Variants in UNK observed in about 807,000 individuals in gnomAD.
The protein encoded by UNK is unk zinc finger.
UNK carries 32 observed loss-of-function variants against 97.6 expected under a neutral mutation model. That is an observed-to-expected ratio of 0.33 (90% confidence interval 0.25 to 0.44). UNK has a LOEUF of 0.44. Ranked by LOEUF, UNK falls within the 20% of genes least tolerant of loss-of-function variation. UNK has a pLI of 1.00. For missense variants in UNK, 771 were observed against 1,098.4 expected (o/e 0.70, Z 4.21); for synonymous variants, 441 against 461.2 (o/e 0.96, Z 0.56).
At position 75,809,730 on chromosome 17, in the gene UNK, G is replaced by C. The variant is rs755043307; in HGVS notation, c.105-30G>C. 3.8e-6 allele frequency: 6 copies of C among 1,572,442 alleles called. No individual in the cohort carries two copies. The Admixed American group carries it at 9.3e-5, about 24-fold the overall frequency. ...GCAAGAGACTTCATTCTCTGCTCCC[G>C]GCCTGCCCCACGCGGGGCTCTCTCT... is the stretch of plus-strand genomic sequence containing the variant. On this transcript the variant is annotated intron_variant, in intron 1 of 15. Transcript: ENST00000589666.
intron 1 of UNK, among the ~76,000 whole-genome samples, chr17:75,797,482 G>A (rs1450478250): frequency 2.0e-5 from 3 of 152,222 alleles, no homozygotes; most frequent in African/African-American, 7.2e-5. Context: ...CGATCCGCCC[G>A]CCTTGGCTGT....
chr17:75,815,357 C>T, intron 7 of UNK, 104 bp downstream of exon 7: 1 of 1,083,672 alleles, frequency 9.2e-7, no homozygotes, highest in East Asian at 2.4e-5. Flanking sequence ...ATGCCCTGCA[C>T]AGGAGTTCTG....
At position 75,791,401 on chromosome 17, in the gene UNK, T is replaced by G. The variant is rs189226440; in HGVS notation, c.104+6417T>G. ...TTTTGGAAAATCCTGGACATGAACATGTATTTAAGTCATTATTGCAAATTA... is the reference window on the plus strand; with the variant it reads ...TTTTGGAAAATCCTGGACATGAACAGGTATTTAAGTCATTATTGCAAATTA... On this transcript the variant is annotated intron_variant, in intron 1 of 15. Transcript: ENST00000589666. Among the ~76,000 whole-genome samples the G allele has an allele frequency of 3.3e-5, 5 of 152,350 alleles. No homozygotes were observed. The East Asian group carries it at 9.6e-4, about 29-fold the overall frequency.
In UNK at chr17:75,813,136, G is replaced by C. The variant is rs777983451; in HGVS notation, c.681G>C (p.Leu227=). Reference sequence around the variant, plus strand: ...AGCCTTGCAAGAAGCCCCCGCGGCTGTGCCGCCAAGGCTATGCCTGTCCCT... The same window carrying C: ...AGCCTTGCAAGAAGCCCCCGCGGCTCTGCCGCCAAGGCTATGCCTGTCCCT... The part of the protein sequence containing the change: ...KTEPCKKPPR[L]CRQGYACPYY... Residue 227 remains leucine (L), a synonymous_variant, in exon 5 of 16, where the codon CTG becomes CTC. Transcript: ENST00000589666. The C allele has an allele frequency of 1.9e-6, 3 of 1,589,008 alleles. No homozygotes were observed. The highest frequency in any genetic ancestry group is 2.6e-6 in the Non-Finnish European group (3 of 1,168,078).
chr17:75,820,191 G>A, intron 13 of UNK, 83 bp downstream of exon 13: 1 of 1,421,616 alleles, frequency 7.0e-7, no homozygotes, highest in East Asian at 2.3e-5. Flanking sequence ...CCCATCTACG[G>A]CATATCAGCT....
At chr17:75,806,462 C>CAA (rs113892974) in intron 1 of UNK, among the ~76,000 whole-genome samples, 4 of 126,724 alleles carry the variant, frequency 3.2e-5, no homozygotes, top group South Asian at 2.5e-4. Context: ...GACTCCGTCT[C>CAA]AAAAAAAAAA....
At position 75,817,710 on chromosome 17, in the gene UNK, G is replaced by C. The variant is rs868570407; in HGVS notation, c.1305+184G>C. Among the ~76,000 whole-genome samples, 4 of 152,174 alleles carry C rather than the reference G, an allele frequency of 2.6e-5. No homozygotes were observed. In the South Asian group the frequency reaches 8.3e-4, roughly 31 times the overall value. On this transcript the variant is annotated intron_variant, in intron 9 of 15. Transcript: ENST00000589666. This position sits in a 1 kb window ranked among gnomAD's most constrained non-coding sequence, Gnocchi z 5.8. ...CCCATTTGCAGCTGAAGACAGGAAG[G>C]CTGGGGAGGCTGCATAGCCTCCCCT...
In UNK at chr17:75,785,047, C is replaced by A; in HGVS notation, c.104+63C>A. On this transcript the variant is annotated intron_variant, in intron 1 of 15. Transcript: ENST00000589666. The stretch of plus-strand genomic sequence containing the variant: ...CCTGACGTCAGCGGCCAGCGTGAGT[C>A]ACGCGCGCAGGGAGAGCGCGAGGCG... The A allele has an allele frequency of 2.4e-6, 3 of 1,235,830 alleles. No homozygotes were observed. The South Asian group carries it at 4.9e-5, about 20-fold the overall frequency. 76.6% of individuals were successfully genotyped at this position (1,235,830 alleles called of 1,614,324 possible). A position where few individuals can be genotyped will look rare whatever the true frequency, so the allele number is the denominator to read the frequency against.
At chr17:75,803,359 C>T (rs1262507086) in intron 1 of UNK, among the ~76,000 whole-genome samples, 11 of 152,246 alleles carry the variant, frequency 7.2e-5, no homozygotes, top group African/African-American at 2.6e-4. Flanking sequence ...GCCTAGATCA[C>T]GCCACTGCAT....
intron 1 of UNK, among the ~76,000 whole-genome samples, chr17:75,796,181 A>T (rs2061804276): frequency 6.6e-6 from 1 of 152,058 alleles, no homozygotes; most frequent in Admixed American, 6.6e-5. Flanking sequence ...CCAGACACTT[A>T]TTTTATTTGC....
At chr17:75,815,088 C>T (rs907566150) in intron 6 of UNK, 81 bp from the exon 7 acceptor site, 64 of 1,286,862 alleles carry the variant, frequency 5.0e-5, no homozygotes, top group Non-Finnish European at 6.6e-5. Context: ...ACTAAGCCAG[C>T]GCACTCATGC....
chr17:75,792,128 C>A, intron 1 of UNK: 1 of 947,454 alleles, frequency 1.1e-6, no homozygotes, highest in Non-Finnish European at 1.3e-6. Flanking sequence ...TCCTGCCAGA[C>A]CTTTACCTAA....
intron 1 of UNK, among the ~76,000 whole-genome samples, chr17:75,808,449 T>A (rs1021648828): frequency 3.2e-4 from 49 of 152,160 alleles, no homozygotes; most frequent in African/African-American, 1.2e-3. Context: ...TCCAGTTCCC[T>A]TCCTATTCCA....
chr17:75,813,265 G>A (rs1255323152), intron 5 of UNK, 52 bp downstream of exon 5: 70 of 1,535,030 alleles, frequency 4.6e-5, no homozygotes, highest in Non-Finnish European at 5.6e-5. Flanking sequence ...GCAGGGAAGG[G>A]GTCAGGCAGA....
chr17:75,808,175 C>T (rs188689428), intron 1 of UNK, among the ~76,000 whole-genome samples: 1 of 152,284 alleles, frequency 6.6e-6, no homozygotes, highest in Non-Finnish European at 1.5e-5. Flanking sequence ...AGGGATGGTC[C>T]TACCAGTTTG....
At chr17:75,822,692 T>G (rs906137025) in intron 14 of UNK, 34 bp downstream of exon 14, 25 of 1,558,136 alleles carry the variant, frequency 1.6e-5, no homozygotes, top group Non-Finnish European at 2.1e-5. Context: ...CCTTCCCCAG[T>G]GCCAGGTGGC....
At chr17:75,806,663 C>T (rs1157643642) in intron 1 of UNK, among the ~76,000 whole-genome samples, 1 of 151,834 alleles carries the variant, frequency 6.6e-6, no homozygotes, top group African/African-American at 2.4e-5. Context: ...ATCCCAGCTA[C>T]TAGGGAGGCT....
chr17:75,785,242 C>T (rs2061697662), intron 1 of UNK: 1 of 475,244 alleles, frequency 2.1e-6, no homozygotes, highest in Non-Finnish European at 3.7e-6. Context: ...GCAGAGTGCA[C>T]TCTCCCTAGG....
chr17:75,793,651 C>A, intron 1 of UNK: 2 of 985,356 alleles, frequency 2.0e-6, no homozygotes, highest in Non-Finnish European at 2.4e-6. Context: ...TGAACTGTTT[C>A]CTCCCCTTCC....
Sources: gnomAD v4.1 joint callset for allele counts (sites outside exome capture counted in the v4.1 genomes callset) on GRCh38, gnomAD v4.1.1 for gene constraint, Gnocchi (gnomAD v3.1) non-coding constraint, MANE v1.5 for transcripts, NCBI Gene and HGNC (gene_info 2026-07-23, HGNC 2026-07-21) for gene names.